The following CFAP77 variants were observed in gnomAD, a reference collection of about 807,000 sequenced individuals.
The protein encoded by CFAP77 is cilia and flagella associated protein 77, also known as cilia- and flagella-associated protein 77.
CFAP77 carries 25 observed loss-of-function variants against 31.1 expected under a neutral mutation model. That is an observed-to-expected ratio of 0.80 (90% CI 0.59 to 1.12). The LOEUF (loss-of-function observed/expected upper bound fraction) is 1.12. Ranked by LOEUF, CFAP77 falls within the 50% of genes most tolerant of loss-of-function variation. The pLI, the probability that CFAP77 is intolerant of heterozygous loss-of-function variation, is 0.00. For synonymous variants in CFAP77, 151 were observed against 159.9 expected (o/e 0.94, Z 0.42); for missense variants, 377 against 397.3 (o/e 0.95, Z 0.44).
rs372328698 is a variant in CFAP77 at position 132,501,559 on chromosome 9, C to T, written c.524+1959C>T. 9.2e-5 allele frequency among the ~76,000 whole-genome samples: 14 copies of T among 152,288 alleles called. No individual in the cohort carries two copies. In the South Asian group the frequency reaches 2.1e-3, roughly 23 times the overall value. ...CTGGGACTACAGGCGTGCACCAACA[C>T]GCCTGGCCAATTTTTGTATTTATAG... On this transcript the variant is annotated intron_variant, in intron 3 of 5. Coordinates refer to ENST00000393216, the MANE Select transcript of CFAP77 (RefSeq NM_001282957.2). The surrounding 1 kb of genome is among the most constrained non-coding windows in gnomAD (Gnocchi z 4.6).
At position 132,517,268 on chromosome 9, in the gene CFAP77, C is replaced by T. The variant is rs1198911876; in HGVS notation, c.524+17668C>T. Among the ~76,000 whole-genome samples, 1 of 152,210 alleles carries T rather than the reference C, an allele frequency of 6.6e-6. No homozygotes were observed. The highest frequency in any genetic ancestry group is 2.4e-5 in the African/African-American group (1 of 41,462). ...CTCAGCTGCGAGGGTGCCAGCAACT[C>T]CCCGGCCCCCGGGAGCAGCAGACTG... On this transcript the variant is annotated intron_variant, in intron 3 of 5. Coordinates refer to ENST00000393216, the MANE Select transcript of CFAP77 (RefSeq NM_001282957.2). This position sits in a 1 kb window ranked among gnomAD's most constrained non-coding sequence, Gnocchi z 4.7.
At chr9:132,531,324 G>A (rs924562772) in intron 3 of CFAP77, among the ~76,000 whole-genome samples, 2 of 152,182 alleles carry the variant, frequency 1.3e-5, no homozygotes, top group African/African-American at 4.8e-5. Context: ...GTGGCCAATG[G>A]CCAAGACCTG....
chr9:132,432,594 C>T (rs1246819515), intron 1 of CFAP77, among the ~76,000 whole-genome samples: 18 of 150,610 alleles, frequency 1.2e-4, no homozygotes, highest in Non-Finnish European at 1.6e-4. Flanking sequence ...TGCAGTGGTG[C>T]GATCTTAGCT....
intron 1 of CFAP77, among the ~76,000 whole-genome samples, chr9:132,456,288 GC>G (rs1850911224): frequency 6.6e-6 from 1 of 152,140 alleles, no homozygotes; most frequent in Non-Finnish European, 1.5e-5. Flanking sequence ...CTGTTGTCCT[GC>G]CCCCCATCTT....
chr9:132,413,244 G>A (rs1475170082), intron 1 of CFAP77, among the ~76,000 whole-genome samples: 4 of 152,098 alleles, frequency 2.6e-5, no homozygotes, highest in Non-Finnish European at 5.9e-5. Flanking sequence ...ATACACATCA[G>A]TTATTCAAGA....
chr9:132,553,127 C>T (rs1234284040), intron 5 of CFAP77, among the ~76,000 whole-genome samples: 1 of 152,188 alleles, frequency 6.6e-6, no homozygotes, highest in Non-Finnish European at 1.5e-5. Context: ...AGCCAAGGCA[C>T]CTTCTCACCG....
rs1393438295 is a variant in CFAP77 at position 132,517,580 on chromosome 9, CCTAAAG to C, written c.524+17981_524+17986del. Among the ~76,000 whole-genome samples the C allele has an allele frequency of 6.6e-6, 1 of 152,184 alleles. No homozygotes were observed. Among genetic ancestry groups the C allele is most frequent in the Admixed American group, 6.5e-5 (1 of 15,282 alleles). On this transcript the variant is annotated intron_variant, in intron 3 of 5. Coordinates refer to ENST00000393216, the MANE Select transcript of CFAP77 (RefSeq NM_001282957.2). The surrounding 1 kb of genome is among the most constrained non-coding windows in gnomAD (Gnocchi z 4.7). ...TGAAACACCTTTCAACAAATGTGTA[CCTAAAG>C]TCCCTCAGAAGGCTCCTCCAGCTTC...
Position 132,481,972 on chromosome 9 carries a change from G to C in CFAP77, c.196-16723G>C, listed in dbSNP as rs77536043. Among the ~76,000 whole-genome samples the C allele has an allele frequency of 0.014, 2,037 of 146,610 alleles. 45 individuals are homozygous for C. The highest frequency in any genetic ancestry group is 0.024 in the Middle Eastern group (7 of 288). On this transcript the variant is annotated intron_variant, in intron 1 of 5. Transcript: ENST00000393216. This position sits in a 1 kb window ranked among gnomAD's most constrained non-coding sequence, Gnocchi z 5.0. ...AGGGTTTATGGTTGGGGGGGGGGGGGGCGGCGGAACACTGAACATTTTTCT... is the reference window on the plus strand; with the variant it reads ...AGGGTTTATGGTTGGGGGGGGGGGGCGCGGCGGAACACTGAACATTTTTCT...
At chr9:132,492,305 A>C (rs1032942548) in intron 1 of CFAP77, among the ~76,000 whole-genome samples, 22 of 152,114 alleles carry the variant, frequency 1.4e-4, no homozygotes, top group African/African-American at 4.1e-4. Context: ...AACCCCCCCC[A>C]AAACAAAAAA....
intron 3 of CFAP77, among the ~76,000 whole-genome samples, chr9:132,520,576 T>A (rs1337676697): frequency 6.6e-6 from 1 of 152,132 alleles, no homozygotes; most frequent in African/African-American, 2.4e-5. Flanking sequence ...GTCTGGGAGA[T>A]TAAAGCTGCA....
At chr9:132,551,883 G>A (rs1403445659) in intron 5 of CFAP77, among the ~76,000 whole-genome samples, 1 of 152,214 alleles carries the variant, frequency 6.6e-6, no homozygotes, top group Non-Finnish European at 1.5e-5. Context: ...AAAGTGCAGG[G>A]CGGTCAGGAA....
chr9:132,546,035 C>T (rs1197278832), intron 5 of CFAP77, among the ~76,000 whole-genome samples: 2 of 152,224 alleles, frequency 1.3e-5, no homozygotes, highest in Admixed American at 6.5e-5. Flanking sequence ...GTCAGTTCCA[C>T]ACCTTGTCCC....
chr9:132,533,200 C>T lies in CFAP77; in HGVS notation c.525-4401C>T, dbSNP rs543686475. 8.6e-4 allele frequency among the ~76,000 whole-genome samples: 131 copies of T among 152,324 alleles called. 2 individuals are homozygous for T. Among genetic ancestry groups the T allele is most frequent in the Admixed American group, 3.9e-4 (6 of 15,302 alleles). On this transcript the variant is annotated intron_variant, in intron 3 of 5. Coordinates refer to ENST00000393216, the MANE Select transcript of CFAP77 (RefSeq NM_001282957.2). ...ACCCAGGTGTATAGTTTGAGAAACG[C>T]TGCTCAAAGGGCCCTTCAGCTGCCG...
intron 1 of CFAP77, among the ~76,000 whole-genome samples, chr9:132,486,333 C>T (rs1378779105): frequency 2.0e-5 from 3 of 151,426 alleles, no homozygotes; most frequent in African/African-American, 7.3e-5. Flanking sequence ...ACCTCGTGAT[C>T]CGCCCGCCTC....
intron 3 of CFAP77, among the ~76,000 whole-genome samples, chr9:132,504,519 GACATTA>G (rs1197694367): frequency 5.9e-5 from 9 of 152,194 alleles, no homozygotes; most frequent in African/African-American, 1.7e-4. Flanking sequence ...TTTCGTAGCA[GACATTA>G]ACATTAATTG....
chr9:132,436,988 A>C (rs1850514403), intron 1 of CFAP77, among the ~76,000 whole-genome samples: 1 of 152,140 alleles, frequency 6.6e-6, no homozygotes, highest in Non-Finnish European at 1.5e-5. Context: ...AATTTCTGTT[A>C]TGAGGATCAT....
intron 1 of CFAP77, among the ~76,000 whole-genome samples, chr9:132,441,051 A>G (rs1850607479): frequency 6.6e-6 from 1 of 151,904 alleles, no homozygotes; most frequent in Non-Finnish European, 1.5e-5. Context: ...CTTGCCTCTT[A>G]CTCTCTTTTC....
chr9:132,461,319 C>T lies in CFAP77; in HGVS notation c.196-37376C>T, dbSNP rs79977263. Among the ~76,000 whole-genome samples the T allele has an allele frequency of 9.3e-4, 141 of 152,294 alleles. 1 individual carries two copies. The highest frequency in any genetic ancestry group is 3.3e-3 in the African/African-American group (137 of 41,552). On this transcript the variant is annotated intron_variant, in intron 1 of 5. Transcript: ENST00000393216. Reference sequence around the variant, plus strand: ...CGAGGTGTGTGGCCAAGGGTGTGCCCGGGTTCTGGGACTGCTTTTGCAGGT... The same window carrying T: ...CGAGGTGTGTGGCCAAGGGTGTGCCTGGGTTCTGGGACTGCTTTTGCAGGT...
intron 1 of CFAP77, among the ~76,000 whole-genome samples, chr9:132,438,541 A>ATATTT: frequency 3.7e-5 from 4 of 108,124 alleles, no homozygotes; most frequent in Non-Finnish European, 5.4e-5. Flanking sequence ...ATATATATAT[A>ATATTT]TTTTTTTTTT....
Sources: gnomAD v4.1 joint callset for allele counts (sites outside exome capture counted in the v4.1 genomes callset) on GRCh38, gnomAD v4.1.1 for gene constraint, Gnocchi (gnomAD v3.1) non-coding constraint, MANE v1.5 for transcripts, NCBI Gene and HGNC (gene_info 2026-07-23, HGNC 2026-07-21) for gene names.